The following TMPRSS9 variants were observed in gnomAD, a reference collection of about 807,000 sequenced individuals.
TMPRSS9 encodes the protein transmembrane serine protease 9.
In TMPRSS9, 113 loss-of-function variants were observed where a neutral mutation model predicts 111.4. The ratio of observed to expected loss-of-function variants is 1.01; its 90% CI spans 0.87 to 1.19. The LOEUF (loss-of-function observed/expected upper bound fraction) is 1.19. TMPRSS9 is among the 50% of genes most tolerant of loss of function. The pLI is 0.00. For missense variants in TMPRSS9, 1,803 were observed against 1,513.1 expected, an observed-to-expected ratio of 1.19 and a Z score of -3.18; for synonymous variants, 805 against 659.1, an observed-to-expected ratio of 1.22 and a Z score of -3.39.
At chr19:2,377,444 TTCCTTC>T in intron 1 of TMPRSS9, among the ~76,000 whole-genome samples, 1 of 121,644 alleles carries the variant, frequency 8.2e-6, no homozygotes, top group Non-Finnish European at 1.7e-5. Context: ...CTTCCTTTCT[TTCCTTC>T]TCCCCTCCCC....
chr19:2,422,506 G>A (rs1221613077), intron 14 of TMPRSS9, among the ~76,000 whole-genome samples: 3 of 152,112 alleles, frequency 2.0e-5, no homozygotes, highest in Non-Finnish European at 2.9e-5. Flanking sequence ...GCATGAAGCC[G>A]GGAGGCGGAG....
At chr19:2,406,224 TAGTC>T (rs1311831655) in intron 7 of TMPRSS9, among the ~76,000 whole-genome samples, 1 of 151,200 alleles carries the variant, frequency 6.6e-6, no homozygotes, top group Non-Finnish European at 1.5e-5. Flanking sequence ...TTCACCATGT[TAGTC>T]AGGATGGTCT....
chr19:2,410,228 C>T (rs1599303847), intron 8 of TMPRSS9, 30 bp from the exon 10 acceptor site: 2 of 1,612,056 alleles, frequency 1.2e-6, no homozygotes, highest in Non-Finnish European at 8.5e-7. Flanking sequence ...CCGGCACTCT[C>T]ACCCTGCTTT....
At chr19:2,385,263 C>G (rs570941786), upstream of TMPRSS9, among the ~76,000 whole-genome samples, 56 of 151,830 alleles carry the variant, frequency 3.7e-4, 2 homozygotes, top group Non-Finnish European at 6.3e-4. Context: ...AGGAGGGATC[C>G]CAGTGCTCCC....
At chr19:2,363,063 T>C (rs959182881) in intron 1 of TMPRSS9, among the ~76,000 whole-genome samples, 5 of 152,188 alleles carry the variant, frequency 3.3e-5, no homozygotes, top group Non-Finnish European at 7.4e-5. Context: ...AATTGGGCCC[T>C]GCAGAGCCTC....
At chr19:2,387,694 G>A (rs534003860), upstream of TMPRSS9, among the ~76,000 whole-genome samples, 5 of 152,154 alleles carry the variant, frequency 3.3e-5, no homozygotes, top group South Asian at 2.1e-4. Flanking sequence ...GCAGTGAGCC[G>A]AGATCGCACC....
chr19:2,400,359 T>C (rs767598440), intron 4 of TMPRSS9, among the ~76,000 whole-genome samples: 9 of 150,672 alleles, frequency 6.0e-5, no homozygotes, highest in East Asian at 2.0e-4. Flanking sequence ...CTGGCCAACA[T>C]GGCGAAACCC....
chr19:2,377,829 C>T (rs1301910785), intron 1 of TMPRSS9, among the ~76,000 whole-genome samples: 1 of 145,700 alleles, frequency 6.9e-6, no homozygotes, highest in African/African-American at 2.6e-5. Context: ...CCTCCTGCCT[C>T]AGCCTCCTGA....
intron 13 of TMPRSS9, among the ~76,000 whole-genome samples, 185 bp downstream of exon 14, chr19:2,418,323 CT>C (rs1971319489): frequency 2.4e-5 from 1 of 41,954 alleles, no homozygotes; most frequent in African/African-American, 2.4e-4. Flanking sequence ...CCCTCCCTCC[CT>C]CCCTCCCTTT....
At chr19:2,408,115 C>T (rs556773366) in intron 7 of TMPRSS9, among the ~76,000 whole-genome samples, 3 of 144,932 alleles carry the variant, frequency 2.1e-5, no homozygotes, top group Non-Finnish European at 4.7e-5. Flanking sequence ...GACTGTGTTT[C>T]GCTATGTTGC....
chr19:2,403,062 C>T lies in TMPRSS9; in HGVS notation c.557-20C>T, dbSNP rs777581747. The T allele has an allele frequency of 1.0e-5, 16 of 1,581,426 alleles. No homozygotes were observed. Among genetic ancestry groups the T allele is most frequent in the East Asian group, 2.3e-5 (1 of 44,146 alleles). ...GAGATGTAGCATGAGGTCAGAAAGT[C>T]GGTTCTTTTCTGTCCTCAGGCCGCT... is the stretch of plus-strand genomic sequence containing the variant. On this transcript the variant is annotated intron_variant, in intron 5 of 17. Transcript: ENST00000648592.
At chr19:2,363,825 A>T (rs4807242) in intron 1 of TMPRSS9, among the ~76,000 whole-genome samples, 6,413 of 105,520 alleles carry the variant, frequency 0.061, 420 homozygotes, top group East Asian at 0.24. Context: ...TGTGTGTGTG[A>T]GAGAGAGAGA....
intron 14 of TMPRSS9, among the ~76,000 whole-genome samples, chr19:2,422,802 C>G (rs946094876): frequency 6.6e-6 from 1 of 152,008 alleles, no homozygotes; most frequent in African/African-American, 2.4e-5. Context: ...GCAGGAGAAT[C>G]GCTTGAACCC....
At chr19:2,425,289 G>A in intron 16 of TMPRSS9, 22 bp downstream of exon 17, 1 of 1,226,706 alleles carries the variant, frequency 8.2e-7, no homozygotes, top group Non-Finnish European at 1.0e-6. Context: ...CGGGGCCGCG[G>A]TGGTGCGGGG....
At chr19:2,376,936 A>T (rs1970339731) in intron 1 of TMPRSS9, among the ~76,000 whole-genome samples, 1 of 152,048 alleles carries the variant, frequency 6.6e-6, no homozygotes, top group South Asian at 2.1e-4. Flanking sequence ...AAGGAAGGCC[A>T]GGCAGGGTCG....
chr19:2,399,300 C>A (rs530473222), intron 4 of TMPRSS9, 107 bp downstream of exon 5: 9 of 1,397,858 alleles, frequency 6.4e-6, no homozygotes, highest in South Asian at 1.5e-5. Flanking sequence ...AGAAAACAAA[C>A]TGGCCGGGTG....
chr19:2,388,328 G>A (rs1599284044), upstream of TMPRSS9, among the ~76,000 whole-genome samples: 1 of 152,110 alleles, frequency 6.6e-6, no homozygotes, highest in Admixed American at 6.6e-5. Context: ...GGAGGCTGCA[G>A]TGAGCTGTGA....
intron 1 of TMPRSS9, among the ~76,000 whole-genome samples, chr19:2,371,512 C>T (rs1970290168): frequency 6.6e-6 from 1 of 151,156 alleles, no homozygotes; most frequent in South Asian, 2.1e-4. Context: ...CACAGCAAAA[C>T]CCTGTCTCTA....
intron 17 of TMPRSS9, 158 bp from the exon 19 acceptor site, chr19:2,425,766 CCAT>C: frequency 8.3e-7 from 1 of 1,208,646 alleles, no homozygotes; most frequent in Non-Finnish European, 1.1e-6. Context: ...TGGCGGGTGT[CCAT>C]AAATGTCTGC....
Sources: allele counts gnomAD v4.1 joint callset (sites outside exome capture counted in the v4.1 genomes callset), GRCh38; gene constraint gnomAD v4.1.1; transcripts MANE v1.5; gene names NCBI Gene and HGNC (gene_info 2026-07-23, HGNC 2026-07-21).